The following ACSM3 variants were observed in gnomAD, a reference collection of about 807,000 sequenced individuals.
ACSM3 encodes acyl-coenzyme A synthetase ACSM3, mitochondrial.
ACSM3 carries 61 observed loss-of-function variants against 74.1 expected under a neutral mutation model. The ratio of observed to expected loss-of-function variants is 0.82; its 90% CI spans 0.67 to 1.02. The LOEUF (loss-of-function observed/expected upper bound fraction) is 1.02. ACSM3 is among the 50% of genes least tolerant of loss of function. ACSM3 has a pLI of 0.00. For synonymous variants in ACSM3, 213 were observed against 241.5 expected (o/e 0.88, Z 1.09); for missense variants, 660 against 697.0 (o/e 0.95, Z 0.60).
At chr16:20,741,750 A>G in intron 1 of ACSM3, 3 of 1,560,450 alleles carry the variant, frequency 1.9e-6, no homozygotes, top group East Asian at 2.4e-5. Flanking sequence ...GGTGTGCGCA[A>G]ACTGAGAGGA....
intron 1 of ACSM3, among the ~76,000 whole-genome samples, chr16:20,692,724 TAA>T (rs2079665747): frequency 6.6e-6 from 1 of 152,184 alleles, no homozygotes; most frequent in African/African-American, 2.4e-5. Context: ...TATTTTTGGG[TAA>T]AACATTTTGA....
chr16:20,717,566 T>C (rs1382807522), intron 1 of ACSM3, among the ~76,000 whole-genome samples: 1 of 152,226 alleles, frequency 6.6e-6, no homozygotes, highest in African/African-American at 2.4e-5. Flanking sequence ...GCACATGGCC[T>C]CTTTCTCCAT....
chr16:20,768,566 A>T (rs187492350), intron 1 of ACSM3, among the ~76,000 whole-genome samples: 8 of 152,206 alleles, frequency 5.3e-5, no homozygotes, highest in Non-Finnish European at 8.8e-5. Context: ...AGGACATTTT[A>T]AAAAATATAA....
rs151255675 is a variant in ACSM3 at position 20,744,707 on chromosome 16, T to G, written c.-189-5203T>G. On this transcript the variant is annotated intron_variant, in intron 1 of 3. Transcript: ENST00000561584. ...CCAAACCACGTTTAAATAAGGCAAATACTGAGTTGTAACCTATTGGGCTGT... is the reference window on the plus strand; with the variant it reads ...CCAAACCACGTTTAAATAAGGCAAAGACTGAGTTGTAACCTATTGGGCTGT... Among the ~76,000 whole-genome samples the G allele has an allele frequency of 4.3e-3, 648 of 152,234 alleles. 4 individuals carry two copies. The highest frequency in any genetic ancestry group is 7.3e-3 in the Non-Finnish European group (496 of 67,996).
At chr16:20,685,459 A>G in intron 1 of ACSM3, 2 of 1,504,742 alleles carry the variant, frequency 1.3e-6, no homozygotes. Context: ...AAGGGCACTT[A>G]GTAAACTAAT....
intron 1 of ACSM3, chr16:20,685,393 C>G (rs1320601564): frequency 1.2e-6 from 2 of 1,614,218 alleles, no homozygotes; most frequent in East Asian, 2.2e-5. Context: ...ATTTGGACCT[C>G]TCTTGCCCTC....
chr16:20,776,081 T>A (rs1488970564), intron 3 of ACSM3, 32 bp downstream of exon 3: 8 of 1,607,328 alleles, frequency 5.0e-6, no homozygotes, highest in Non-Finnish European at 6.0e-6. Flanking sequence ...ATCATATTTA[T>A]TACTAAGCTG....
chr16:20,718,164 C>T (rs2079772497), intron 1 of ACSM3, among the ~76,000 whole-genome samples: 1 of 152,188 alleles, frequency 6.6e-6, no homozygotes, highest in Non-Finnish European at 1.5e-5. Context: ...AAAATTTTAG[C>T]AGAGACTGAT....
At chr16:20,723,118 G>C (rs150740713) in intron 1 of ACSM3, among the ~76,000 whole-genome samples, 2,845 of 152,118 alleles carry the variant, frequency 0.019, 83 homozygotes, top group African/African-American at 0.064. Flanking sequence ...CCACCTATGA[G>C]TAAGAACATG....
intron 1 of ACSM3, chr16:20,734,259 T>G (rs1320968170): frequency 1.3e-5 from 2 of 152,650 alleles, no homozygotes; most frequent in Non-Finnish European, 2.9e-5. Flanking sequence ...CCTTTTGTCT[T>G]GCACTATCAA....
upstream of ACSM3, chr16:20,674,451 C>G (rs139099368): frequency 0.013 from 2,038 of 157,554 alleles, 47 homozygotes; most frequent in African/African-American, 0.046. Flanking sequence ...CTCCCTCCCC[C>G]CTCTCCACCC....
chr16:20,754,137 A>G (rs143451740), intron 2 of ACSM3, among the ~76,000 whole-genome samples: 2,785 of 152,304 alleles, frequency 0.018, 30 homozygotes, highest in Non-Finnish European at 0.03. Context: ...GTTAGGGGGA[A>G]TAAGGACATT....
chr16:20,757,169 C>A (rs888935344), intron 3 of ACSM3, among the ~76,000 whole-genome samples: 5 of 152,102 alleles, frequency 3.3e-5, no homozygotes, highest in African/African-American at 1.2e-4. Context: ...CAATTCTGTG[C>A]AGAAAGTCAC....
intron 1 of ACSM3, among the ~76,000 whole-genome samples, chr16:20,720,342 T>C (rs2079781002): frequency 6.6e-6 from 1 of 152,216 alleles, no homozygotes. Flanking sequence ...AGTGACAGAC[T>C]ATCAGGCATT....
intron 1 of ACSM3, chr16:20,711,441 GGGATGGC>G: frequency 1.0e-6 from 1 of 973,638 alleles, no homozygotes; most frequent in Middle Eastern, 3.4e-4. Context: ...TCTCACTTAA[GGGATGGC>G]GGTTCTGTTT....
chr16:20,788,007 G>A (rs987982320), intron 9 of ACSM3, among the ~76,000 whole-genome samples: 7 of 152,134 alleles, frequency 4.6e-5, no homozygotes, highest in African/African-American at 1.7e-4. Flanking sequence ...GAGACAATAT[G>A]TTTAAAGAGC....
At chr16:20,692,922 G>C (rs576255315) in intron 1 of ACSM3, among the ~76,000 whole-genome samples, 89 of 152,232 alleles carry the variant, frequency 5.8e-4, no homozygotes, top group Non-Finnish European at 1.0e-3. Flanking sequence ...TATAATCCCA[G>C]CCCTTTGGGA....
intron 1 of ACSM3, among the ~76,000 whole-genome samples, chr16:20,742,803 ATATATATATAT>A (rs2079938924): frequency 3.6e-5 from 2 of 55,558 alleles, no homozygotes; most frequent in South Asian, 6.0e-4. Context: ...ATATATATAT[ATATATATATAT>A]TTTTTTTTTT....
At position 20,792,245 on chromosome 16, in the gene ACSM3, T is replaced by C. The variant is rs1205088449; in HGVS notation, c.1464T>C (p.Ile488=). The C allele has an allele frequency of 6.2e-7, 1 of 1,614,124 alleles. No individual in the cohort carries two copies. The highest frequency in any genetic ancestry group is 1.1e-5 in the South Asian group (1 of 91,088). The change falls in exon 12 of 14, where the codon ATT becomes ATC. Residue 488 remains isoleucine, a synonymous_variant. Coordinates refer to ENST00000289416, the MANE Select transcript of ACSM3 (RefSeq NM_005622.4). ...CCATATGTGTTTCTAGCTATCGAAT[T>C]GGACCATTTGAGGTAGAAAATGCCC... ...DDVILSSGYR[I]GPFEVENALN...
Sources: gnomAD v4.1 joint callset for allele counts (sites outside exome capture counted in the v4.1 genomes callset) on GRCh38, gnomAD v4.1.1 for gene constraint, MANE v1.5 for transcripts, NCBI Gene and HGNC (gene_info 2026-07-23, HGNC 2026-07-21) for gene names.